The following CCNH variants were observed in gnomAD, a reference collection of about 807,000 sequenced individuals.
CCNH encodes the protein cyclin-H.
CCNH carries 31 observed loss-of-function variants against 41.9 expected under a neutral mutation model. The observed-to-expected ratio is 0.74, with a 90% confidence interval of 0.56 to 1.00. The LOEUF (loss-of-function observed/expected upper bound fraction) is 1.00. CCNH is among the 50% of genes least tolerant of loss of function. CCNH has a pLI of 0.00. For missense variants in CCNH, 362 were observed against 388.4 expected, an observed-to-expected ratio of 0.93 and a Z score of 0.57; for synonymous variants, 138 against 136.1, an observed-to-expected ratio of 1.01 and a Z score of -0.10.
At chr5:87,337,669 A>C (rs1428711496) in intron 9 of CCNH, among the ~76,000 whole-genome samples, 3 of 152,158 alleles carry the variant, frequency 2.0e-5, no homozygotes, top group Non-Finnish European at 2.9e-5. Context: ...CAATATATGT[A>C]CAATCAGTTT....
Position 87,399,430 on chromosome 5 carries a change from C to T in CCNH, c.836G>A (p.Arg279Gln), listed in dbSNP as rs769299865. ...EVAVLKQKLE[R>Q]CHSAELALNV... is the part of the protein sequence containing the mutation. The stretch of plus-strand genomic sequence containing the variant: ...AAGTGCAAGCTCAGCAGAATGACAT[C>T]GCTCCAACTTCTGTTTCAGAACAGC... Residue 279 changes from arginine (R) to glutamine (Q), a missense_variant, in exon 7 of 9, where the codon CGA (arginine) becomes CAA (glutamine). Transcript: ENST00000256897. The T allele has an allele frequency of 2.0e-5, 32 of 1,613,824 alleles. No homozygotes were observed. The highest frequency in any genetic ancestry group is 2.4e-5 in the Non-Finnish European group (28 of 1,179,792).
intron 5 of CCNH, among the ~76,000 whole-genome samples, chr5:87,402,483 G>A (rs1458070667): frequency 6.6e-6 from 1 of 152,020 alleles, no homozygotes. Context: ...GATAAAAGGC[G>A]AAATGAACAG....
chr5:87,356,540 C>G (rs1357569101), intron 9 of CCNH, among the ~76,000 whole-genome samples: 3 of 152,080 alleles, frequency 2.0e-5, no homozygotes, highest in Non-Finnish European at 4.4e-5. Context: ...CAGGTGTACA[C>G]CACCGTGCCT....
chr5:87,389,059 TATTTCAA>T (rs1266037948), downstream of CCNH, among the ~76,000 whole-genome samples: 3 of 152,170 alleles, frequency 2.0e-5, no homozygotes, highest in Non-Finnish European at 4.4e-5. Context: ...CTGAATATTA[TATTTCAA>T]TAAGAATCTT....
rs1269246605 is a variant in CCNH, at chr5:87,337,533, T to C, written c.*91-18636A>G. Among the ~76,000 whole-genome samples, 3 of 152,196 alleles carry C rather than the reference T, an allele frequency of 2.0e-5. No homozygotes were observed. In the East Asian group the frequency reaches 5.8e-4, roughly 29 times the overall value. ...CTGAAGTAACTCTATATCTTATGTATGTATAGTGTGTTAATTATATTTATT... is the reference window on the plus strand; with the variant it reads ...CTGAAGTAACTCTATATCTTATGTACGTATAGTGTGTTAATTATATTTATT... On this transcript the variant is annotated intron_variant and NMD_transcript_variant, in intron 9 of 9. Transcript: ENST00000645953.
intron 9 of CCNH, among the ~76,000 whole-genome samples, chr5:87,367,641 GAC>G (rs1760623508): frequency 1.3e-5 from 2 of 152,162 alleles, no homozygotes; most frequent in African/African-American, 4.8e-5. Flanking sequence ...ATGTCTTAGT[GAC>G]ACAAAGTTAT....
intron 5 of CCNH, among the ~76,000 whole-genome samples, chr5:87,403,046 C>T (rs1203143649): frequency 6.6e-6 from 1 of 151,992 alleles, no homozygotes; most frequent in Non-Finnish European, 1.5e-5. Context: ...AGAAGAAAAT[C>T]CAGAAATAAC....
exon 1 of CCNH, chr5:87,376,465 A>C: frequency 6.2e-7 from 1 of 1,614,048 alleles, no homozygotes; most frequent in Non-Finnish European, 8.5e-7. Flanking sequence ...CTCAGCTCCC[A>C]TATACCATTA....
At chr5:87,322,186 A>G (rs539487334) in intron 9 of CCNH, among the ~76,000 whole-genome samples, 23 of 152,196 alleles carry the variant, frequency 1.5e-4, no homozygotes, top group Non-Finnish European at 2.4e-4. Context: ...CCCCTACTCC[A>G]TGGACCGGTA....
At chr5:87,394,679 G>T in intron 8 of CCNH, 195 bp from the exon 9 acceptor site, 2 of 1,369,412 alleles carry the variant, frequency 1.5e-6, no homozygotes, top group Non-Finnish European at 1.9e-6. Flanking sequence ...GAGGAATAAA[G>T]GTTATGGCTG....
rs972697183 is a variant in CCNH at position 87,376,530 on chromosome 5, A to G, written n.651T>C. ...TCGAGCACGATACTCTATGGAAAAA[A>G]TCATGCCAGAAGAAGAGTACAGTGA... is the stretch of plus-strand genomic sequence containing the variant. On this transcript the variant is annotated non_coding_transcript_exon_variant, in exon 1 of 1. Coordinates refer to the CCNH transcript ENST00000607486. 5 of 1,613,950 alleles carry G rather than the reference A, an allele frequency of 3.1e-6. No homozygotes were observed. The Admixed American group carries it at 5.0e-5, about 16-fold the overall frequency.
intron 9 of CCNH, among the ~76,000 whole-genome samples, chr5:87,357,686 C>A (rs762375178): frequency 1.3e-5 from 2 of 150,300 alleles, no homozygotes; most frequent in African/African-American, 4.9e-5. Flanking sequence ...GACTGGGAGA[C>A]AGAACGAGAT....
intron 6 of CCNH, among the ~76,000 whole-genome samples, chr5:87,399,749 ATAATCTAGCATTAATTTTTGGCAAATCC>A (rs1438330261): frequency 3.3e-5 from 5 of 152,188 alleles, no homozygotes; most frequent in Admixed American, 6.5e-5. Context: ...AAAGCACACT[ATAATCTAGCATTAATTTTTGGCAAATCC>A]TACTGGGGTC....
At chr5:87,346,934 C>G (rs1381303730) in intron 9 of CCNH, among the ~76,000 whole-genome samples, 1 of 151,942 alleles carries the variant, frequency 6.6e-6, no homozygotes, top group Non-Finnish European at 1.5e-5. Context: ...TCTTTTACCC[C>G]AGGCCCCTGT....
chr5:87,408,345 A>G lies in CCNH; in HGVS notation c.315-159T>C, dbSNP rs533640942. ...CTAGACATTGCAAGAATTGTTTTTT[A>G]AAAGACACTTCCTGTTCACACTTCA... On this transcript the variant is annotated intron_variant, in intron 3 of 8. Transcript: ENST00000256897. Among the ~76,000 whole-genome samples the G allele has an allele frequency of 2.6e-5, 4 of 152,344 alleles. No individual in the cohort carries two copies. In the South Asian group the frequency reaches 6.2e-4, roughly 24 times the overall value.
At chr5:87,312,838 C>T in the CCNH span, among the ~76,000 whole-genome samples, 1 of 152,082 alleles carries the variant, frequency 6.6e-6, no homozygotes, top group Admixed American at 6.5e-5. Flanking sequence ...GATCTTGCAT[C>T]CTAAATCTTT....
downstream of CCNH, chr5:87,391,820 T>G: frequency 8.6e-6 from 2 of 231,862 alleles, no homozygotes; most frequent in East Asian, 6.2e-5. Flanking sequence ...CTGCTGGATA[T>G]TTAGTTCAAC....
chr5:87,387,072 A>G (rs566658104), downstream of CCNH, among the ~76,000 whole-genome samples: 2 of 152,304 alleles, frequency 1.3e-5, no homozygotes, highest in South Asian at 4.1e-4. Flanking sequence ...TTTGTTTGTA[A>G]TTAAAACCAT....
chr5:87,349,461 A>G, intron 9 of CCNH: 2 of 1,384,680 alleles, frequency 1.4e-6, no homozygotes, highest in Non-Finnish European at 2.0e-6. Context: ...AAAAGTTTCT[A>G]ACTTCTAAAA....
Sources: gnomAD v4.1 joint callset for allele counts (sites outside exome capture counted in the v4.1 genomes callset) on GRCh38, gnomAD v4.1.1 for gene constraint, MANE v1.5 for transcripts, NCBI Gene and HGNC (gene_info 2026-07-23, HGNC 2026-07-21) for gene names.